BSPRY: variants seen among roughly 807,000 people sequenced by gnomAD.
The protein encoded by BSPRY is B-box and SPRY domain containing.
A neutral mutation model predicts 38.0 loss-of-function variants in BSPRY; 33 were observed. The ratio of observed to expected loss-of-function variants is 0.87; its 90% CI spans 0.66 to 1.16. The LOEUF is 1.16. Among genes scored for constraint, BSPRY ranks in the 50% most tolerant of loss-of-function variants. The pLI, the probability that BSPRY is intolerant of heterozygous loss-of-function variation, is 0.00. For missense variants in BSPRY, 523 were observed against 533.2 expected, an observed-to-expected ratio of 0.98 and a Z score of 0.19; for synonymous variants, 224 against 228.5, an observed-to-expected ratio of 0.98 and a Z score of 0.18.
intron 4 of BSPRY, among the ~76,000 whole-genome samples, chr9:113,366,752 C>T (rs1446604293): frequency 1.3e-5 from 2 of 152,238 alleles, no homozygotes; most frequent in African/African-American, 4.8e-5. Flanking sequence ...CCTCTGTTGT[C>T]CTGACCACAA....
rs1386481160 is a variant in BSPRY, at chr9:113,369,994, T to C, written c.1061T>C (p.Leu354Pro). ...GGGCTGCTGCGGGGCCCAGCCCAGC[T>C]GGGTGTAGTGCTGGACTTGCAGGTT... ...PLGLLRGPAQ[L>P]GVVLDLQVQE... Residue 354 changes from leucine to proline, a missense_variant, in exon 6 of 6, where the codon CTG becomes CCG. Physicochemically the swap from Leu to Pro is moderately conservative, Grantham distance 98. Transcript: ENST00000374183. 6.2e-7 allele frequency: 1 copy of C among 1,614,158 alleles called. No homozygotes were observed. Among genetic ancestry groups the C allele is most frequent in the Non-Finnish European group, 8.5e-7 (1 of 1,180,038 alleles).
At chr9:113,352,212 G>A (rs74481720) in intron 1 of BSPRY, among the ~76,000 whole-genome samples, 4,540 of 151,956 alleles carry the variant, frequency 0.03, 226 homozygotes, top group African/African-American at 0.1. Context: ...GTGGGTGTTC[G>A]TTCATTCAAC....
Position 113,368,354 on chromosome 9 carries a change from G to A in BSPRY, c.653G>A (p.Trp218Ter). 6.2e-7 allele frequency: 1 copy of A among 1,614,126 alleles called. No homozygotes were observed. The highest frequency in any genetic ancestry group is 8.5e-7 in the Non-Finnish European group (1 of 1,180,012). ...CTRSPLLTQL[W>*]ATAVLGSLSG... Reference sequence around the variant, plus strand: ...CGGAGCCCACTACTGACCCAACTCTGGGCAACGGCGGTTCTTGGGTCTCTC... The same window carrying A: ...CGGAGCCCACTACTGACCCAACTCTAGGCAACGGCGGTTCTTGGGTCTCTC... The change falls in exon 5 of 6, where the codon TGG becomes TAG. Residue 218 changes from tryptophan to a stop codon, truncating the protein, a stop_gained. Coordinates refer to ENST00000374183, the MANE Select transcript of BSPRY (RefSeq NM_017688.3). LOFTEE classifies it high-confidence loss of function.
chr9:113,355,337 A>G (rs2118908144), intron 2 of BSPRY, among the ~76,000 whole-genome samples: 1 of 152,332 alleles, frequency 6.6e-6, no homozygotes, highest in African/African-American at 2.4e-5. Flanking sequence ...TGCATGGAAC[A>G]GAACCCAGTT....
In BSPRY at chr9:113,370,339, G is replaced by T; in HGVS notation, c.*197G>T. ...TAAATCACAGGTGTCCAAACTTTTG[G>T]CTTCCCTGGGCCACATTTGAAGAAG... On this transcript the variant is annotated 3_prime_UTR_variant, in exon 6 of 6. Coordinates refer to ENST00000374183, the MANE Select transcript of BSPRY (RefSeq NM_017688.3). This position sits in a 1 kb window ranked among gnomAD's most constrained non-coding sequence, Gnocchi z 4.8. 1 of 493,650 alleles carries T rather than the reference G, an allele frequency of 2.0e-6. No homozygotes were observed. The highest frequency in any genetic ancestry group is 3.3e-6 in the Non-Finnish European group (1 of 304,704). The allele number at this position is 493,650 out of a possible 1,614,324, so 30.6% of individuals were successfully genotyped here.
At chr9:113,352,634 T>G (rs1269590537) in intron 1 of BSPRY, among the ~76,000 whole-genome samples, 1 of 152,190 alleles carries the variant, frequency 6.6e-6, no homozygotes, top group Non-Finnish European at 1.5e-5. Context: ...CTGAGTCACA[T>G]CAGGTGGGGC....
In BSPRY at chr9:113,349,605, GGCCGGGGTCC is replaced by G. The variant is rs1833934036; in HGVS notation, c.28_37del (p.Pro10GlyfsTer17). The G allele has an allele frequency of 8.4e-7, 1 of 1,189,440 alleles. No individual in the cohort carries two copies. Among genetic ancestry groups the G allele is most frequent in the Non-Finnish European group, 1.0e-6 (1 of 961,134 alleles). The allele number at this position is 1,189,440 out of a possible 1,614,324, so 73.7% of individuals were successfully genotyped here. A position where few individuals can be genotyped will look rare whatever the true frequency, so the allele number is the denominator to read the frequency against. On this transcript the variant is annotated frameshift_variant, in exon 1 of 6. Transcript: ENST00000374183. LOFTEE classifies it high-confidence loss of function. Reference sequence around the variant, plus strand: ...ATGTCCGCCGAGGGCGCGGAGCCGGGGCCGGGGTCCGGGTCCGGGCCCGGGCCGGGGCCAC... The same window carrying G: ...ATGTCCGCCGAGGGCGCGGAGCCGGGGGGTCCGGGCCCGGGCCGGGGCCAC...
chr9:113,363,999 G>T (rs1022698208), intron 4 of BSPRY, among the ~76,000 whole-genome samples: 5 of 151,132 alleles, frequency 3.3e-5, no homozygotes, highest in Non-Finnish European at 7.4e-5. Flanking sequence ...AACCAGCCTG[G>T]CCAATATGGC....
chr9:113,366,567 A>G (rs1377429293), intron 4 of BSPRY, among the ~76,000 whole-genome samples: 3 of 152,152 alleles, frequency 2.0e-5, no homozygotes, highest in East Asian at 1.9e-4. Flanking sequence ...CTTTGGGGCC[A>G]TGAGTTTTGT....
rs752863534 is a variant in BSPRY at position 113,360,614 on chromosome 9, G to A, written c.408G>A (p.Glu136=). 1 of 1,609,042 alleles carries A rather than the reference G, an allele frequency of 6.2e-7. No individual in the cohort carries two copies. Among genetic ancestry groups the A allele is most frequent in the Admixed American group, 1.7e-5 (1 of 59,376 alleles). The change falls in exon 3 of 6, where the codon GAG becomes GAA. Residue 136 remains glutamate (E), a synonymous_variant. Coordinates refer to ENST00000374183, the MANE Select transcript of BSPRY (RefSeq NM_017688.3). The part of the protein sequence containing the change: ...QRLLEQVHGE[E]ERAHQSILTQ... ...TACTGGAACAGGTGCATGGCGAAGA[G>A]GAGCGGGCCCACCAGAGCATCCTGA...
At chr9:113,359,881 T>A (rs60169877) in intron 2 of BSPRY, among the ~76,000 whole-genome samples, 19,426 of 111,234 alleles carry the variant, frequency 0.17, 2,928 homozygotes, top group African/African-American at 0.41. Context: ...TTAAAAAAAA[T>A]TTAAAAAAAA....
intron 2 of BSPRY, among the ~76,000 whole-genome samples, chr9:113,358,350 C>G (rs1017210873): frequency 6.6e-6 from 1 of 151,998 alleles, no homozygotes; most frequent in Non-Finnish European, 1.5e-5. Context: ...CTCACTGCAG[C>G]CTCCACCTCC....
intron 1 of BSPRY, among the ~76,000 whole-genome samples, 178 bp downstream of exon 1, chr9:113,349,958 C>T (rs1283867379): frequency 7.9e-5 from 12 of 152,208 alleles, no homozygotes; most frequent in Admixed American, 7.2e-4. Context: ...CCTCTGAAGT[C>T]AGGCTGGCCT....
rs750452809 is a variant in BSPRY at position 113,360,695 on chromosome 9, C to A, written c.489C>A (p.Gly163=). The change falls in exon 3 of 6, where the codon GGC becomes GGA. Residue 163 remains glycine (G), a synonymous_variant. Coordinates refer to ENST00000374183, the MANE Select transcript of BSPRY (RefSeq NM_017688.3). ...ALQKLDTIRT[G]LVGMLTHLDD... is the part of the protein sequence containing the mutation. ...AGAAACTTGACACCATCCGCACTGG[C>A]CTGGTGGGCATGCTTACTCACCTGG... The A allele has an allele frequency of 1.1e-5, 18 of 1,603,344 alleles. 1 individual carries two copies. In the South Asian group the frequency reaches 2.0e-4, roughly 18 times the overall value.
chr9:113,366,767 C>T (rs1357587553), intron 4 of BSPRY, among the ~76,000 whole-genome samples: 1 of 152,234 alleles, frequency 6.6e-6, no homozygotes, highest in African/African-American at 2.4e-5. Flanking sequence ...CCACAAAGAG[C>T]CTTTGTTACT....
chr9:113,362,775 G>A (rs181249968), intron 4 of BSPRY, among the ~76,000 whole-genome samples: 4 of 152,302 alleles, frequency 2.6e-5, no homozygotes, highest in South Asian at 4.1e-4. Context: ...CACCTGCCCC[G>A]GTACTGTTGC....
In BSPRY at chr9:113,353,474, G is replaced by A. The variant is rs375162653; in HGVS notation, c.202-766G>A. On this transcript the variant is annotated intron_variant, in intron 1 of 5. Transcript: ENST00000374183. ...TCCCAGCACTTTGAGAGGTCAGGGC[G>A]GGCAGATCACCTGAGGTCTGGAGTT... is the stretch of plus-strand genomic sequence containing the variant. Among the ~76,000 whole-genome samples the A allele has an allele frequency of 3.9e-5, 6 of 152,086 alleles. No individual in the cohort carries two copies. The South Asian group carries it at 1.0e-3, about 26-fold the overall frequency.
At position 113,360,625 on chromosome 9, in the gene BSPRY, A is replaced by C. The variant is rs1200488681; in HGVS notation, c.419A>C (p.His140Pro). The C allele has an allele frequency of 6.2e-7, 1 of 1,608,912 alleles. No individual in the cohort carries two copies. The highest frequency in any genetic ancestry group is 8.5e-7 in the Non-Finnish European group (1 of 1,178,740). The part of the protein sequence containing the change: ...EQVHGEEERA[H>P]QSILTQRVHW... ...GTGCATGGCGAAGAGGAGCGGGCCC[A>C]CCAGAGCATCCTGACACAGCGGGTG... is the stretch of plus-strand genomic sequence containing the variant. The change falls in exon 3 of 6, where the codon CAC becomes CCC. Residue 140 changes from histidine to proline, a missense_variant. His to Pro is a moderately conservative substitution (Grantham distance 77). Coordinates refer to ENST00000374183, the MANE Select transcript of BSPRY (RefSeq NM_017688.3).
In BSPRY at chr9:113,354,343, T is replaced by A. The variant is rs754754848; in HGVS notation, c.300+5T>A. 6.2e-7 allele frequency: 1 copy of A among 1,608,914 alleles called. No individual in the cohort carries two copies. The highest frequency in any genetic ancestry group is 8.5e-7 in the Non-Finnish European group (1 of 1,175,390). On this transcript the variant is annotated splice_donor_5th_base_variant and intron_variant, in intron 2 of 5. Transcript: ENST00000374183. ...GGGAAGAATCAAAGAGCAGTGGTAA[T>A]TCCTCTTCTTTCCTCTCTACTCAGC...
Sources: allele counts gnomAD v4.1 joint callset (sites outside exome capture counted in the v4.1 genomes callset), GRCh38; gene constraint gnomAD v4.1.1; non-coding constraint Gnocchi (gnomAD v3.1); transcripts MANE v1.5; gene names NCBI Gene and HGNC (gene_info 2026-07-23, HGNC 2026-07-21).